EPS15L1: variants seen among roughly 807,000 people sequenced by gnomAD.
EPS15L1 encodes the protein epidermal growth factor receptor pathway substrate 15 like 1.
Under a neutral mutation model 117.1 loss-of-function variants are expected in EPS15L1, and 43 were observed. The observed-to-expected ratio is 0.37, with a 90% CI of 0.29 to 0.47. The LOEUF is 0.47. Ranked by LOEUF, EPS15L1 falls within the 20% of genes least tolerant of loss-of-function variation. EPS15L1 has a pLI of 0.99. For synonymous variants in EPS15L1, 459 were observed against 470.5 expected, an observed-to-expected ratio of 0.98 and a Z score of 0.32; for missense variants, 981 against 1,164.0, an observed-to-expected ratio of 0.84 and a Z score of 2.29.
chr19:16,468,804 G>A (rs2093325040), intron 1 of EPS15L1, among the ~76,000 whole-genome samples: 1 of 152,150 alleles, frequency 6.6e-6, no homozygotes, highest in Non-Finnish European at 1.5e-5. Flanking sequence ...TTGAGGCTAG[G>A]GGTTTAAGAC....
chr19:16,366,211 C>T (rs955885935), intron 22 of EPS15L1, among the ~76,000 whole-genome samples: 8 of 152,030 alleles, frequency 5.3e-5, no homozygotes, highest in African/African-American at 9.7e-5. Context: ...TTCTCGAAGC[C>T]GTTCCTGCAG....
chr19:16,369,128 A>G (rs979519103), intron 22 of EPS15L1, among the ~76,000 whole-genome samples: 1 of 152,204 alleles, frequency 6.6e-6, no homozygotes, highest in African/African-American at 2.4e-5. Context: ...CATCTAAGAC[A>G]CATGAGGGGA....
At chr19:16,378,475 G>A (rs970236779) in intron 21 of EPS15L1, among the ~76,000 whole-genome samples, 1 of 152,082 alleles carries the variant, frequency 6.6e-6, no homozygotes, top group African/African-American at 2.4e-5. Context: ...GAGCCTGGCT[G>A]GACCCCACTG....
intron 12 of EPS15L1, among the ~76,000 whole-genome samples, chr19:16,416,451 C>A (rs2092758715): frequency 6.6e-6 from 1 of 152,104 alleles, no homozygotes; most frequent in Non-Finnish European, 1.5e-5. Flanking sequence ...GCCTGGGCAA[C>A]ATGGCGAAAC....
At chr19:16,388,466 A>C (rs898841922) in intron 19 of EPS15L1, among the ~76,000 whole-genome samples, 1 of 152,194 alleles carries the variant, frequency 6.6e-6, no homozygotes, top group African/African-American at 2.4e-5. Context: ...ACCAAAGATA[A>C]AGAGAGAATC....
chr19:16,398,865 T>C (rs1405729872), intron 16 of EPS15L1, among the ~76,000 whole-genome samples: 1 of 152,172 alleles, frequency 6.6e-6, no homozygotes. Flanking sequence ...CCAATCAGCA[T>C]AGCACACTAC....
intron 21 of EPS15L1, among the ~76,000 whole-genome samples, chr19:16,379,472 G>A (rs1748984383): frequency 6.6e-6 from 1 of 152,196 alleles, no homozygotes; most frequent in African/African-American, 2.4e-5. Context: ...ACACTCCCAG[G>A]GTTTCCCTCG....
In EPS15L1 at chr19:16,429,166, G is replaced by T. The variant is rs558977059; in HGVS notation, c.499-405C>A. Among the ~76,000 whole-genome samples, 5 of 152,224 alleles carry T rather than the reference G, an allele frequency of 3.3e-5. No individual in the cohort carries two copies. The East Asian group carries it at 7.7e-4, about 24-fold the overall frequency. ...CCACCCCTCCCTTGCATTCTCAGCTGGGCAGGGCTGCGAGCTCATGTCTGA... is the reference window on the plus strand; with the variant it reads ...CCACCCCTCCCTTGCATTCTCAGCTTGGCAGGGCTGCGAGCTCATGTCTGA... On this transcript the variant is annotated intron_variant, in intron 7 of 23. Transcript: ENST00000455140.
chr19:16,470,031 C>A (rs1027531419), intron 1 of EPS15L1, among the ~76,000 whole-genome samples: 3 of 152,118 alleles, frequency 2.0e-5, no homozygotes, highest in Non-Finnish European at 4.4e-5. Context: ...ACGAAGAAAA[C>A]CAGGCCACGC....
At chr19:16,422,791 T>C (rs1002359705) in intron 9 of EPS15L1, among the ~76,000 whole-genome samples, 1 of 152,032 alleles carries the variant, frequency 6.6e-6, no homozygotes, top group Non-Finnish European at 1.5e-5. Context: ...ACCCCCTCTC[T>C]ACTAAAAACA....
chr19:16,446,024 T>C (rs116488216), intron 1 of EPS15L1, among the ~76,000 whole-genome samples: 1,779 of 152,304 alleles, frequency 0.012, 35 homozygotes, highest in African/African-American at 0.041. Flanking sequence ...AGAGACAACA[T>C]GCAAAGTTCC....
intron 1 of EPS15L1, among the ~76,000 whole-genome samples, chr19:16,453,046 C>T (rs886323558): frequency 6.6e-6 from 1 of 151,920 alleles, no homozygotes; most frequent in Non-Finnish European, 1.5e-5. Context: ...ATGATCTGCC[C>T]GCCTCGGTCT....
chr19:16,464,729 TACACTAACACTA>T (rs149531973), intron 1 of EPS15L1, among the ~76,000 whole-genome samples: 135 of 148,630 alleles, frequency 9.1e-4, no homozygotes, highest in Non-Finnish European at 9.4e-4. Flanking sequence ...ACACATAAAA[TACACTAACACTA>T]ACACTAACAC....
chr19:16,394,075 C>A (rs1317293994), intron 17 of EPS15L1, 74 bp from the exon 18 acceptor site: 24 of 1,321,408 alleles, frequency 1.8e-5, no homozygotes, highest in Admixed American at 5.0e-5. Context: ...GACACAGCCA[C>A]CCACCTCCCA....
At chr19:16,433,996 T>C (rs552078072) in intron 7 of EPS15L1, among the ~76,000 whole-genome samples, 2 of 151,458 alleles carry the variant, frequency 1.3e-5, no homozygotes, top group East Asian at 1.9e-4. Flanking sequence ...AATAAATAAA[T>C]AGACACAGAC....
At chr19:16,456,395 G>A (rs1442460300) in intron 1 of EPS15L1, among the ~76,000 whole-genome samples, 4 of 151,690 alleles carry the variant, frequency 2.6e-5, no homozygotes, top group Admixed American at 2.0e-4. Flanking sequence ...GGTGGCTCAC[G>A]CCTGTAATCT....
intron 7 of EPS15L1, among the ~76,000 whole-genome samples, chr19:16,433,666 C>CA (rs901577516): frequency 6.7e-6 from 1 of 149,940 alleles, no homozygotes; most frequent in Non-Finnish European, 1.5e-5. Flanking sequence ...TCTAAAAACT[C>CA]AAAAAAAGAA....
intron 23 of EPS15L1, among the ~76,000 whole-genome samples, chr19:16,360,603 C>T (rs2092037989): frequency 6.6e-6 from 1 of 151,940 alleles, no homozygotes; most frequent in South Asian, 2.1e-4. Context: ...AAACATTAGC[C>T]TTGCGTGGTG....
intron 22 of EPS15L1, among the ~76,000 whole-genome samples, chr19:16,362,378 A>T (rs2092067462): frequency 1.5e-5 from 1 of 64,664 alleles, no homozygotes; most frequent in Non-Finnish European, 3.0e-5. Context: ...TTCTAACAGT[A>T]AAAAAAAAAA....
Sources: gnomAD v4.1 joint callset for allele counts (sites outside exome capture counted in the v4.1 genomes callset) on GRCh38, gnomAD v4.1.1 for gene constraint, MANE v1.5 for transcripts, NCBI Gene and HGNC (gene_info 2026-07-23, HGNC 2026-07-21) for gene names.